The following HMCN1 variants were observed in gnomAD, a reference collection of about 807,000 sequenced individuals.
HMCN1 encodes the protein hemicentin-1.
A neutral mutation model predicts 625.9 loss-of-function variants in HMCN1; 321 were observed. That is an observed-to-expected ratio of 0.51 (90% CI 0.47 to 0.56). The LOEUF is 0.56. HMCN1 is among the 20% of genes least tolerant of loss of function. The probability of loss-of-function intolerance (pLI) is 0.00; values close to 1 mark genes in which losing one functional copy is unlikely to be tolerated. For missense variants in HMCN1, 6,588 were observed against 6,887.3 expected (o/e 0.96, Z 1.54); for synonymous variants, 2,425 against 2,417.6 (o/e 1.00, Z -0.09).
At chr1:185,837,373 T>G (rs1186811466) in intron 1 of HMCN1, among the ~76,000 whole-genome samples, 1 of 152,080 alleles carries the variant, frequency 6.6e-6, no homozygotes, top group African/African-American at 2.4e-5. Context: ...AAATGTGAGC[T>G]TTGTTCCCGT....
At chr1:186,122,692 C>T (rs1661452360) in intron 80 of HMCN1, among the ~76,000 whole-genome samples, 2 of 152,150 alleles carry the variant, frequency 1.3e-5, no homozygotes, top group African/African-American at 4.8e-5. Context: ...CATGCATGCC[C>T]TCATGAATAT....
At chr1:185,899,544 C>T (rs993036332) in intron 4 of HMCN1, among the ~76,000 whole-genome samples, 2 of 152,064 alleles carry the variant, frequency 1.3e-5, no homozygotes, top group Admixed American at 1.3e-4. Context: ...TTCTTAAGGA[C>T]TTCCCAGTTA....
At chr1:186,055,197 T>C (rs1444806450) in intron 44 of HMCN1, among the ~76,000 whole-genome samples, 196 bp from the exon 45 acceptor site, 1 of 152,056 alleles carries the variant, frequency 6.6e-6, no homozygotes, top group Non-Finnish European at 1.5e-5. Context: ...TCATTTTAGG[T>C]ATGAACCCAC....
intron 20 of HMCN1, among the ~76,000 whole-genome samples, chr1:185,988,812 G>A (rs1652180343): frequency 6.6e-6 from 1 of 152,058 alleles, no homozygotes; most frequent in Admixed American, 6.6e-5. Flanking sequence ...TGCAAAATGA[G>A]GGTTGTGGTA....
Position 186,016,257 on chromosome 1 carries a change from T to C in HMCN1, c.5191+18T>C. The C allele has an allele frequency of 3.1e-6, 5 of 1,608,682 alleles. No individual in the cohort carries two copies. The highest frequency in any genetic ancestry group is 4.3e-6 in the Non-Finnish European group (5 of 1,175,726). ...TGTCTTGGGTAAATAAGGATGCCAC[T>C]GCCTGGGTTCTCAGATTCATAGCAA... On this transcript the variant is annotated intron_variant, in intron 32 of 106. Coordinates refer to ENST00000271588, the MANE Select transcript of HMCN1 (RefSeq NM_031935.3).
chr1:185,990,744 CAT>C (rs1652370035), intron 22 of HMCN1, among the ~76,000 whole-genome samples: 1 of 152,138 alleles, frequency 6.6e-6, no homozygotes, highest in Non-Finnish European at 1.5e-5. Flanking sequence ...TGTAAGCACA[CAT>C]AGAATTCCAT....
At chr1:186,173,651 A>G (rs1192498155) in intron 102 of HMCN1, among the ~76,000 whole-genome samples, 1 of 151,168 alleles carries the variant, frequency 6.6e-6, no homozygotes, top group Admixed American at 6.6e-5. Context: ...AAAAAAAAAA[A>G]AAAAGAAAAA....
Position 185,846,051 on chromosome 1 carries a change from A to G in HMCN1, c.294A>G (p.Thr98=). Reference sequence around the variant, plus strand: ...AAATTGGCCCAGTGACAATTACCACAGATCCCAAGAAATTTCAATATGAAC... The same window carrying G: ...AAATTGGCCCAGTGACAATTACCACGGATCCCAAGAAATTTCAATATGAAC... The part of the protein sequence containing the change: ...DPEIGPVTIT[T]DPKKFQYELR... The change falls in exon 2 of 107, where the codon ACA becomes ACG. Residue 98 remains threonine (T), a synonymous_variant. Coordinates refer to ENST00000271588, the MANE Select transcript of HMCN1 (RefSeq NM_031935.3). 1 of 1,612,176 alleles carries G rather than the reference A, an allele frequency of 6.2e-7. No individual in the cohort carries two copies. The highest frequency in any genetic ancestry group is 8.5e-7 in the Non-Finnish European group (1 of 1,178,384).
At chr1:185,845,993 G>T (rs1316776165) in intron 1 of HMCN1, 33 bp from the exon 2 acceptor site, 1 of 1,412,674 alleles carries the variant, frequency 7.1e-7, no homozygotes, top group Non-Finnish European at 1.0e-6. Flanking sequence ...ATTGATTACT[G>T]TTTATTGACC....
chr1:186,178,011 T>A (rs1235695119), intron 103 of HMCN1, among the ~76,000 whole-genome samples: 2 of 152,144 alleles, frequency 1.3e-5, no homozygotes, highest in African/African-American at 2.4e-5. Context: ...TAGAATTACG[T>A]GTAAAAATGT....
intron 1 of HMCN1, among the ~76,000 whole-genome samples, chr1:185,810,165 G>A (rs779101838): frequency 5.3e-5 from 8 of 152,090 alleles, no homozygotes; most frequent in Non-Finnish European, 7.4e-5. Context: ...ACGAGGAGGA[G>A]ACATATTCTG....
intron 4 of HMCN1, among the ~76,000 whole-genome samples, chr1:185,898,561 G>C (rs1385216777): frequency 6.6e-6 from 1 of 152,074 alleles, no homozygotes; most frequent in Admixed American, 6.6e-5. Context: ...CTTGGTAGAT[G>C]GTCAGGGTCT....
intron 30 of HMCN1, among the ~76,000 whole-genome samples, chr1:186,013,801 C>T (rs1024767401): frequency 2.6e-5 from 4 of 152,156 alleles, no homozygotes; most frequent in Non-Finnish European, 5.9e-5. Flanking sequence ...TAATGTAGTA[C>T]TGGATGTAAC....
At chr1:186,071,320 T>G (rs181041832) in intron 52 of HMCN1, among the ~76,000 whole-genome samples, 2 of 152,158 alleles carry the variant, frequency 1.3e-5, no homozygotes, top group Admixed American at 1.3e-4. Context: ...AAAAAGATGA[T>G]GAAGGGCCCA....
intron 93 of HMCN1, among the ~76,000 whole-genome samples, chr1:186,149,314 C>A (rs1198095971): frequency 1.3e-5 from 2 of 152,174 alleles, no homozygotes; most frequent in Non-Finnish European, 2.9e-5. Context: ...ACTTAGCTAC[C>A]TCTGGATAAT....
At position 186,003,772 on chromosome 1, in the gene HMCN1, A is replaced by G. The variant is rs146365307; in HGVS notation, c.4403A>G (p.Asn1468Ser). 1.9e-6 allele frequency: 3 copies of G among 1,613,236 alleles called. No individual in the cohort carries two copies. The highest frequency in any genetic ancestry group is 1.7e-5 in the Admixed American group (1 of 59,968). ...NFPNEVSVVL[N>S]RDVALECQVK... is the part of the protein sequence containing the mutation. ...CCAAATGAAGTCTCAGTTGTCCTCAACCGTGACGTCGCCCTTGAATGCCAG... is the reference window on the plus strand; with the variant it reads ...CCAAATGAAGTCTCAGTTGTCCTCAGCCGTGACGTCGCCCTTGAATGCCAG... Residue 1468 changes from asparagine to serine, a missense_variant, in exon 29 of 107, where the codon AAC (asparagine) becomes AGC (serine). By Grantham distance (46) the Asn-to-Ser change is conservative. Coordinates refer to ENST00000271588, the MANE Select transcript of HMCN1 (RefSeq NM_031935.3).
intron 29 of HMCN1, 57 bp from the exon 30 acceptor site, chr1:186,007,071 A>C (rs1486668671): frequency 7.4e-7 from 1 of 1,356,950 alleles, no homozygotes; most frequent in Non-Finnish European, 1.1e-6. Context: ...GTTGTGATAA[A>C]TAAGAAATGT....
At chr1:185,958,082 G>A (rs193231841) in intron 11 of HMCN1, among the ~76,000 whole-genome samples, 4 of 152,056 alleles carry the variant, frequency 2.6e-5, no homozygotes, top group Non-Finnish European at 5.9e-5. Context: ...TTATAAATAG[G>A]GTATATAATC....
chr1:186,076,717 T>C (rs1199337671), intron 54 of HMCN1, 95 bp downstream of exon 54: 2 of 1,242,316 alleles, frequency 1.6e-6, no homozygotes, highest in African/African-American at 1.5e-5. Context: ...GGTCTCTGGC[T>C]AAGTAATTTA....
Sources: allele counts gnomAD v4.1 joint callset (sites outside exome capture counted in the v4.1 genomes callset), GRCh38; gene constraint gnomAD v4.1.1; transcripts MANE v1.5; gene names NCBI Gene and HGNC (gene_info 2026-07-23, HGNC 2026-07-21).